Variants in AKR1D1 observed in about 807,000 individuals in gnomAD.
The protein encoded by AKR1D1 is delta(4)-3-ketosteroid 5-beta-reductase.
A neutral mutation model predicts 42.6 loss-of-function variants in AKR1D1; 32 were observed. The ratio of observed to expected loss-of-function variants is 0.75; its 90% CI spans 0.57 to 1.01. AKR1D1 has a LOEUF of 1.01. Among genes scored for constraint, AKR1D1 ranks in the 50% least tolerant of loss-of-function variants. The pLI is 0.00. For synonymous variants in AKR1D1, 123 were observed against 135.5 expected (o/e 0.91, Z 0.64); for missense variants, 364 against 402.2 (o/e 0.91, Z 0.81).
rs1562933025 is a variant in AKR1D1 at position 138,091,855 on chromosome 7, T to TA, written c.350dup (p.Tyr117Ter). 6.2e-7 allele frequency: 1 copy of TA among 1,613,966 alleles called. No homozygotes were observed. Among genetic ancestry groups the TA allele is most frequent in the Admixed American group, 1.7e-5 (1 of 60,016 alleles). ...CCTCCAGCTAGATTATGTGGATCTT[T>TA]ACATCATTGAAGTACCCATGGCCTT... ...RVLQLDYVDL[Y>*]IIEVPMAFKP... Residue 117 changes from tyrosine to a stop codon, truncating the protein, a stop_gained and frameshift_variant, in exon 3 of 9, where the codon TAC becomes TAAC. Coordinates refer to ENST00000242375, the MANE Select transcript of AKR1D1 (RefSeq NM_005989.4). LOFTEE classifies it high-confidence loss of function.
At position 138,107,416 on chromosome 7, in the gene AKR1D1, G is replaced by A; in HGVS notation, c.691G>A (p.Val231Met). 1 of 1,613,922 alleles carries A rather than the reference G, an allele frequency of 6.2e-7. No homozygotes were observed. The highest frequency in any genetic ancestry group is 8.5e-7 in the Non-Finnish European group (1 of 1,179,864). ...GATGCATGTTTTGATATTTTTAAGG[G>A]TGAATGTTTCTTCTCCACCTTTGTT... is the stretch of plus-strand genomic sequence containing the variant. Reference protein sequence around the residue: ...PLGTSRNPIWVNVSSPPLLKD... With the variant: ...PLGTSRNPIWMNVSSPPLLKD... Residue 231 changes from valine to methionine, a missense_variant and splice_region_variant, in exon 7 of 9, where the codon GTG (valine) becomes ATG (methionine). By Grantham distance (21) the Val-to-Met change is conservative (BLOSUM62 1). Transcript: ENST00000242375.
intron 2 of AKR1D1, 127 bp downstream of exon 2, chr7:138,088,895 TGG>T: frequency 9.4e-7 from 1 of 1,064,896 alleles, no homozygotes; most frequent in Non-Finnish European, 1.4e-6. Context: ...AATAACAGTT[TGG>T]GTTTGTTTGT....
chr7:138,116,475 A>G, intron 8 of AKR1D1, 145 bp from the exon 9 acceptor site: 1 of 941,884 alleles, frequency 1.1e-6, no homozygotes, highest in South Asian at 1.4e-5. Context: ...GAGGGAAAAC[A>G]GAAGAGGAAA....
In AKR1D1 at chr7:138,107,504, T is replaced by G; in HGVS notation, c.779T>G (p.Leu260Trp). 1 of 1,614,216 alleles carries G rather than the reference T, an allele frequency of 6.2e-7. No homozygotes were observed. Among genetic ancestry groups the G allele is most frequent in the Non-Finnish European group, 8.5e-7 (1 of 1,180,016 alleles). Residue 260 changes from leucine (L) to tryptophan (W), a missense_variant, in exon 7 of 9, where the codon TTG (leucine) becomes TGG (tryptophan). Coordinates refer to ENST00000242375, the MANE Select transcript of AKR1D1 (RefSeq NM_005989.4). ...RYNKTAAQIVLRFNIQRGVVV... is the reference protein window; with the variant it reads ...RYNKTAAQIVWRFNIQRGVVV... ...AATAAGACAGCAGCTCAAATTGTTT[T>G]GCGTTTCAACATCCAGCGAGGGGTG...
At chr7:138,110,551 G>C (rs1794517365) in intron 7 of AKR1D1, among the ~76,000 whole-genome samples, 1 of 152,122 alleles carries the variant, frequency 6.6e-6, no homozygotes, top group Non-Finnish European at 1.5e-5. Flanking sequence ...TCTGGAGTTT[G>C]AGACCATCTT....
Position 138,088,611 on chromosome 7 carries a change from G to T in AKR1D1, c.104G>T (p.Gly35Val). The change falls in exon 2 of 9, where the codon GGA (glycine) becomes GTA (valine). Residue 35 changes from glycine to valine, a missense_variant. Coordinates refer to ENST00000242375, the MANE Select transcript of AKR1D1 (RefSeq NM_005989.4). The part of the protein sequence containing the change: ...TYSEPKSTPK[G>V]ACATSVKVAI... ...TCTTTGTCACTTCAGACCCCTAAGG[G>T]AGCCTGTGCAACATCGGTGAAGGTT... The T allele has an allele frequency of 6.2e-7, 1 of 1,614,160 alleles. No individual in the cohort carries two copies. The highest frequency in any genetic ancestry group is 2.2e-5 in the East Asian group (1 of 44,886).
chr7:138,109,007 T>C (rs1794485867), intron 7 of AKR1D1, among the ~76,000 whole-genome samples: 1 of 152,212 alleles, frequency 6.6e-6, no homozygotes, highest in Admixed American at 6.5e-5. Context: ...TTTGCACATA[T>C]ATACATGGGT....
chr7:138,099,859 G>A lies in AKR1D1; in HGVS notation c.456+1916G>A, dbSNP rs1794254871. Among the ~76,000 whole-genome samples, 3 of 100,692 alleles carry A rather than the reference G, an allele frequency of 3.0e-5. 1 individual carries two copies. The highest frequency in any genetic ancestry group is 1.3e-4 in the African/African-American group (3 of 22,834). The allele number at this position is 100,692 out of a possible 152,430, so 66.1% of individuals were successfully genotyped here. ...CTCTACAAAAAAGAAAAAAAAAGGG[G>A]GGTAATAGTTAAAGAAAAAAAAAAA... On this transcript the variant is annotated intron_variant, in intron 4 of 8. Coordinates refer to ENST00000242375, the MANE Select transcript of AKR1D1 (RefSeq NM_005989.4).
chr7:138,106,429 A>T (rs1794433824), intron 5 of AKR1D1, among the ~76,000 whole-genome samples, 179 bp from the exon 6 acceptor site: 1 of 152,264 alleles, frequency 6.6e-6, no homozygotes, highest in Admixed American at 6.5e-5. Context: ...TCTTGAATCC[A>T]TTTTAAGGAA....
At chr7:138,098,057 C>A in intron 4 of AKR1D1, 114 bp downstream of exon 4, 3 of 846,056 alleles carry the variant, frequency 3.5e-6, no homozygotes, top group South Asian at 1.4e-5. Context: ...TGAAAAGTAA[C>A]AGTCAGAACA....
At chr7:138,090,835 T>C (rs1010192860) in intron 2 of AKR1D1, among the ~76,000 whole-genome samples, 12 of 152,148 alleles carry the variant, frequency 7.9e-5, no homozygotes, top group African/African-American at 2.9e-4. Context: ...CTTCATTATG[T>C]AATGCCTTAG....
chr7:138,089,606 T>C (rs1324003258), intron 2 of AKR1D1, among the ~76,000 whole-genome samples: 1 of 152,184 alleles, frequency 6.6e-6, no homozygotes, highest in Non-Finnish European at 1.5e-5. Context: ...GGTCAAAACA[T>C]GCTTTAAATT....
At chr7:138,095,950 C>T (rs1275859315) in intron 3 of AKR1D1, among the ~76,000 whole-genome samples, 1 of 151,670 alleles carries the variant, frequency 6.6e-6, no homozygotes, top group Non-Finnish European at 1.5e-5. Flanking sequence ...CCTGTATTCC[C>T]AGCAATTTGG....
chr7:138,086,597 C>A (rs183668439), intron 1 of AKR1D1, among the ~76,000 whole-genome samples: 1 of 152,120 alleles, frequency 6.6e-6, no homozygotes, highest in Non-Finnish European at 1.5e-5. Context: ...ATATATGTCC[C>A]CAAGGCTTTC....
intron 1 of AKR1D1, among the ~76,000 whole-genome samples, chr7:138,081,715 A>G (rs866362620): frequency 2.2e-4 from 33 of 151,224 alleles, no homozygotes; most frequent in African/African-American, 7.8e-4. Flanking sequence ...TTTTAGTAGA[A>G]ATAGAGTTTC....
chr7:138,102,904 ATAC>A (rs1794345735), intron 4 of AKR1D1, among the ~76,000 whole-genome samples: 1 of 151,986 alleles, frequency 6.6e-6, no homozygotes, highest in African/African-American at 2.4e-5. Flanking sequence ...ACATTCTCAA[ATAC>A]TACAAACTGG....
At chr7:138,105,572 T>TGCA in intron 5 of AKR1D1, 143 bp downstream of exon 5, 1 of 1,274,320 alleles carries the variant, frequency 7.8e-7, no homozygotes, top group Non-Finnish European at 1.1e-6. Flanking sequence ...TCTTTAGACT[T>TGCA]CTTTCTATTG....
At chr7:138,113,472 A>G (rs1794573190) in intron 7 of AKR1D1, among the ~76,000 whole-genome samples, 1 of 152,158 alleles carries the variant, frequency 6.6e-6, no homozygotes, top group African/African-American at 2.4e-5. Flanking sequence ...GAGCATTTGG[A>G]ATTTCTTGTA....
chr7:138,081,771 G>A (rs563157438), intron 1 of AKR1D1, among the ~76,000 whole-genome samples: 9 of 151,972 alleles, frequency 5.9e-5, no homozygotes, highest in Admixed American at 3.3e-4. Flanking sequence ...TAGTAGAGAC[G>A]GGGTTTCTCC....
Sources: allele counts gnomAD v4.1 joint callset (sites outside exome capture counted in the v4.1 genomes callset), GRCh38; gene constraint gnomAD v4.1.1; transcripts MANE v1.5; gene names NCBI Gene and HGNC (gene_info 2026-07-23, HGNC 2026-07-21).